The following BRD2 variants were observed in gnomAD, a reference collection of about 807,000 sequenced individuals.
The protein encoded by BRD2 is bromodomain containing 2.
Under a neutral mutation model 79.1 loss-of-function variants are expected in BRD2, and 15 were observed. The ratio of observed to expected loss-of-function variants is 0.19; its 90% CI spans 0.13 to 0.29. The LOEUF is 0.29. Ranked by LOEUF, BRD2 falls within the 10% of genes least tolerant of loss-of-function variation. The pLI is 1.00. For missense variants in BRD2, 1,053 were observed against 991.3 expected (o/e 1.06, Z -0.84); for synonymous variants, 488 against 358.6 (o/e 1.36, Z -4.08).
chr6:32,975,235 G>A, intron 3 of BRD2, 149 bp from the exon 4 acceptor site: 9 of 1,188,668 alleles, frequency 7.6e-6, no homozygotes, highest in Admixed American at 2.5e-5. Flanking sequence ...TTGTCCCACA[G>A]TTTAATTGGG....
In BRD2 at chr6:32,980,887, G is replaced by A; in HGVS notation, c.*169G>A. The A allele has an allele frequency of 1.3e-6, 1 of 756,550 alleles. No individual in the cohort carries two copies. Among genetic ancestry groups the A allele is most frequent in the Admixed American group, 2.8e-5 (1 of 35,298 alleles). 46.9% of individuals were successfully genotyped at this position (756,550 alleles called of 1,614,324 possible). A position where few individuals can be genotyped will look rare whatever the true frequency, so the allele number is the denominator to read the frequency against. ...GGGGAGGGATGCAGGGACATTTACT[G>A]AAGGAGGGACATGGACAAAACAACA... On this transcript the variant is annotated 3_prime_UTR_variant, in exon 13 of 13. Transcript: ENST00000374825.
At chr6:32,975,803 C>A (rs1349176882) in intron 4 of BRD2, among the ~76,000 whole-genome samples, 1 of 151,572 alleles carries the variant, frequency 6.6e-6, no homozygotes, top group Non-Finnish European at 1.5e-5. Flanking sequence ...GATCTGTTTT[C>A]TTGTCAGCTC....
At position 32,980,117 on chromosome 6, in the gene BRD2, C is replaced by T. The variant is rs2127527202; in HGVS notation, c.2131C>T (p.Pro711Ser). ...RYVLSCLRKK[P>S]RKPYTIKKPV... ...TGTCCTTTCCTGCCTACGTAAGAAA[C>T]CCCGGAAGCCCTACAGTACGTATGA... The change falls in exon 11 of 13, where the codon CCC (proline) becomes TCC (serine). Residue 711 changes from proline to serine, a missense_variant. Pro to Ser is a moderately conservative substitution (Grantham distance 74). Transcript: ENST00000374825. The T allele has an allele frequency of 1.9e-6, 3 of 1,611,798 alleles. No homozygotes were observed. Among genetic ancestry groups the T allele is most frequent in the Non-Finnish European group, 2.5e-6 (3 of 1,179,784 alleles).
rs11555087 is a variant in BRD2 at position 32,972,298 on chromosome 6, C to T, written c.-601C>T. On this transcript the variant is annotated 5_prime_UTR_variant, in exon 2 of 13. Coordinates refer to ENST00000374825, the MANE Select transcript of BRD2 (RefSeq NM_005104.4). ...CGTCCGGGGCCGCCATTACAATCCA[C>T]CTCCATCCGCTTGGAAATGGCCTTC... 5.0e-5 allele frequency: 20 copies of T among 402,554 alleles called. No individual in the cohort carries two copies. Among genetic ancestry groups the T allele is most frequent in the African/African-American group, 2.1e-4 (10 of 48,446 alleles). 24.9% of individuals were successfully genotyped at this position (402,554 alleles called of 1,614,324 possible).
chr6:32,969,402 C>T (rs1317770782), intron 1 of BRD2: 2 of 715,212 alleles, frequency 2.8e-6, no homozygotes, highest in Non-Finnish European at 5.2e-6. Context: ...TGGCGGTGGG[C>T]TGAGGAGTGG....
chr6:32,972,236 C>G lies in BRD2; in HGVS notation c.-663C>G. On this transcript the variant is annotated 5_prime_UTR_variant, in exon 2 of 13. Coordinates refer to ENST00000374825, the MANE Select transcript of BRD2 (RefSeq NM_005104.4). ...GGAGTGGAGCAGCCTCTAGAACGAG[C>G]TGGAGGATTCTGCCTACCGATACAG... 1 of 484,542 alleles carries G rather than the reference C, an allele frequency of 2.1e-6. No homozygotes were observed. Among genetic ancestry groups the G allele is most frequent in the South Asian group, 2.0e-5 (1 of 49,930 alleles). The allele number at this position is 484,542 out of a possible 1,614,324, so 30.0% of individuals were successfully genotyped here.
Position 32,976,424 on chromosome 6 carries a change from T to A in BRD2, c.785T>A (p.Leu262His). The change falls in exon 6 of 13, where the codon CTT becomes CAT. Residue 262 changes from leucine to histidine, a missense_variant. Coordinates refer to ENST00000374825, the MANE Select transcript of BRD2 (RefSeq NM_005104.4). Reference protein sequence around the residue: ...KSLHSAGPPLLAVTAAPPAQP... With the variant: ...KSLHSAGPPLHAVTAAPPAQP... ...TTGCACTCTGCTGGACCCCCGCTCCTTGCTGTTACTGCAGCTCCTCCAGCC... is the reference window on the plus strand; with the variant it reads ...TTGCACTCTGCTGGACCCCCGCTCCATGCTGTTACTGCAGCTCCTCCAGCC... 6.2e-7 allele frequency: 1 copy of A among 1,612,144 alleles called. No homozygotes were observed. The highest frequency in any genetic ancestry group is 8.5e-7 in the Non-Finnish European group (1 of 1,180,040).
intron 2 of BRD2, chr6:32,973,215 G>C: frequency 6.8e-7 from 1 of 1,466,570 alleles, no homozygotes; most frequent in Non-Finnish European, 9.2e-7. Flanking sequence ...AGTGGAGTGA[G>C]GTTGAACAGC....
At chr6:32,979,661 C>G (rs1779272427) in intron 10 of BRD2, 167 bp from the exon 11 acceptor site, 1 of 738,992 alleles carries the variant, frequency 1.4e-6, no homozygotes, top group Non-Finnish European at 2.1e-6. Flanking sequence ...GCAAAATGCT[C>G]TGTTTCACTA....
Position 32,972,359 on chromosome 6 carries a change from G to A in BRD2, c.-540G>A. The A allele has an allele frequency of 2.9e-6, 1 of 339,622 alleles. No homozygotes were observed. Among genetic ancestry groups the A allele is most frequent in the Non-Finnish European group, 5.6e-6 (1 of 178,774 alleles). 21.0% of individuals were successfully genotyped at this position (339,622 alleles called of 1,614,324 possible). On this transcript the variant is annotated 5_prime_UTR_variant, in exon 2 of 13. Coordinates refer to ENST00000374825, the MANE Select transcript of BRD2 (RefSeq NM_005104.4). ...ATGACTGGTCCCAGCGGGCAGTACA[G>A]ACCCCCTAGAAGCCCCTGGAGCTCC...
chr6:32,979,764 CAG>C, intron 10 of BRD2, 62 bp from the exon 11 acceptor site: 1 of 1,526,188 alleles, frequency 6.6e-7, no homozygotes. Context: ...TGAATTATAA[CAG>C]TGGGAACATA....
intron 5 of BRD2, 39 bp from the exon 6 acceptor site, chr6:32,976,211 G>C: frequency 6.2e-7 from 1 of 1,611,152 alleles, no homozygotes; most frequent in Non-Finnish European, 8.5e-7. Context: ...ACTAAAGATG[G>C]GGAAGAGAAT....
At chr6:32,977,178 A>G in intron 7 of BRD2, 2 of 1,390,086 alleles carry the variant, frequency 1.4e-6, no homozygotes. Flanking sequence ...CTAATGTGGC[A>G]GTGTTGGGTT....
chr6:32,980,622 A>G lies in BRD2; in HGVS notation c.2310A>G (p.Ala770=), dbSNP rs1330240479. 20 of 1,613,056 alleles carry G rather than the reference A, an allele frequency of 1.2e-5. No homozygotes were observed. The highest frequency in any genetic ancestry group is 1.6e-5 in the Non-Finnish European group (19 of 1,180,058). ...AGTCATCCTCTGCACAGCAAGTAGC[A>G]GTGTCACGCCTTAGCGCTTCCAGCT... ...KTESSSAQQV[A]VSRLSASSSS... is the part of the protein sequence containing the mutation. Residue 770 remains alanine, a synonymous_variant, in exon 13 of 13, where the codon GCA becomes GCG. Coordinates refer to ENST00000374825, the MANE Select transcript of BRD2 (RefSeq NM_005104.4).
intron 4 of BRD2, among the ~76,000 whole-genome samples, 199 bp from the exon 5 acceptor site, chr6:32,975,832 C>T (rs559034569): frequency 5.3e-5 from 8 of 151,890 alleles, no homozygotes; most frequent in Non-Finnish European, 7.4e-5. Context: ...TTTCTTCTTT[C>T]GAATTTTGGG....
chr6:32,979,658 GCT>G (rs1779272164), intron 10 of BRD2, 168 bp from the exon 11 acceptor site: 1 of 708,748 alleles, frequency 1.4e-6, no homozygotes, highest in South Asian at 2.0e-5. Context: ...CGAGCAAAAT[GCT>G]CTGTTTCACT....
intron 1 of BRD2, chr6:32,970,811 AG>A (rs1381814047): frequency 6.6e-6 from 1 of 151,098 alleles, no homozygotes; most frequent in African/African-American, 2.5e-5. Flanking sequence ...AGTTGGGGGG[AG>A]GGGGCGAAAC....
chr6:32,974,418 C>T (rs551373658), intron 2 of BRD2, 44 bp from the exon 3 acceptor site: 17 of 1,564,932 alleles, frequency 1.1e-5, no homozygotes, highest in African/African-American at 4.1e-5. Flanking sequence ...GCACTTTTTC[C>T]TCATTTGGAC....
At chr6:32,980,253 C>A in intron 11 of BRD2, 89 bp from the exon 12 acceptor site, 1 of 1,581,270 alleles carries the variant, frequency 6.3e-7, no homozygotes, top group Non-Finnish European at 8.6e-7. Flanking sequence ...TGGCAGCTGA[C>A]GTTCAAGAAG....
Sources: allele counts gnomAD v4.1 joint callset (sites outside exome capture counted in the v4.1 genomes callset), GRCh38; gene constraint gnomAD v4.1.1; transcripts MANE v1.5; gene names NCBI Gene and HGNC (gene_info 2026-07-23, HGNC 2026-07-21).